The following ZBTB16 variants were observed in gnomAD, a reference collection of about 807,000 sequenced individuals.
ZBTB16 encodes the protein zinc finger and BTB domain-containing protein 16.
In ZBTB16, 8 loss-of-function variants were observed where a neutral mutation model predicts 56.8. The ratio of observed to expected loss-of-function variants is 0.14; its 90% confidence interval spans 0.08 to 0.25. The LOEUF is 0.25. Among genes scored for constraint, ZBTB16 ranks in the 10% least tolerant of loss-of-function variants. ZBTB16 has a pLI of 1.00. For synonymous variants in ZBTB16, 363 were observed against 368.5 expected, an observed-to-expected ratio of 0.98 and a Z score of 0.17; for missense variants, 625 against 903.0, an observed-to-expected ratio of 0.69 and a Z score of 3.95.
rs1002100128 is a variant in ZBTB16 at position 114,060,367 on chromosome 11, G to A, written c.-91+485G>A. 6.6e-6 allele frequency: 1 copy of A among 152,536 alleles called. No individual in the cohort carries two copies. The highest frequency in any genetic ancestry group is 2.4e-5 in the African/African-American group (1 of 41,484). 9.4% of individuals were successfully genotyped at this position (152,536 alleles called of 1,614,324 possible). A position where few individuals can be genotyped will look rare whatever the true frequency, so the allele number is the denominator to read the frequency against. On this transcript the variant is annotated intron_variant, in intron 1 of 6. Transcript: ENST00000335953. The surrounding 1 kb of genome is among the most constrained non-coding windows in gnomAD (Gnocchi z 6.0). ...CTAGAATCGGAGGAGCTGACGAGTA[G>A]ATCTGGGGGCGGAGGGGAGCAGGAC...
At chr11:114,203,603 TA>T (rs1165181135) in intron 4 of ZBTB16, among the ~76,000 whole-genome samples, 7 of 107,636 alleles carry the variant, frequency 6.5e-5, no homozygotes, top group Non-Finnish European at 1.1e-4. Context: ...ACAAAAACAT[TA>T]AAAGGGTGGA....
At chr11:114,234,952 C>T (rs900856952) in intron 4 of ZBTB16, among the ~76,000 whole-genome samples, 4 of 151,872 alleles carry the variant, frequency 2.6e-5, no homozygotes, top group South Asian at 2.1e-4. Flanking sequence ...TGTGTGGTCA[C>T]GAAGGTTGCC....
Position 114,256,613 on chromosome 11 carries a change from A to ACACAATCAAAGGT in ZBTB16, c.*6060_*6072dup, listed in dbSNP as rs1462358182. Among the ~76,000 whole-genome samples the ACACAATCAAAGGT allele has an allele frequency of 6.6e-6, 1 of 152,180 alleles. No individual in the cohort carries two copies. Among genetic ancestry groups the ACACAATCAAAGGT allele is most frequent in the Non-Finnish European group, 1.5e-5 (1 of 68,022 alleles). ...AGAAATTTCTCAACAAGAAGCTTCC[A>ACACAATCAAAGGT]CACAATCAAAGGTCCCTGCCTGCGT... On this transcript the variant is annotated 3_prime_UTR_variant, in exon 7 of 7. Coordinates refer to ENST00000335953, the MANE Select transcript of ZBTB16 (RefSeq NM_006006.6).
At chr11:114,209,640 T>C (rs752820302) in intron 4 of ZBTB16, 76 of 985,278 alleles carry the variant, frequency 7.7e-5, no homozygotes, top group Non-Finnish European at 8.7e-5. Flanking sequence ...GTGGTGACTA[T>C]TCCCCCAACC....
chr11:114,105,238 C>T (rs938945269), intron 2 of ZBTB16, among the ~76,000 whole-genome samples: 4 of 149,236 alleles, frequency 2.7e-5, no homozygotes, highest in Non-Finnish European at 4.4e-5. Flanking sequence ...GTCTCTCTCT[C>T]TCTCTCTTTT....
In ZBTB16 at chr11:114,061,045, C is replaced by G. The variant is rs550494794; in HGVS notation, c.-91+1163C>G. 7.2e-5 allele frequency among the ~76,000 whole-genome samples: 11 copies of G among 152,330 alleles called. No homozygotes were observed. In the South Asian group the frequency reaches 1.2e-3, roughly 17 times the overall value. On this transcript the variant is annotated intron_variant, in intron 1 of 6. Coordinates refer to ENST00000335953, the MANE Select transcript of ZBTB16 (RefSeq NM_006006.6). ...CCGTCTCTTTCGCTTTCCCTCGTCC[C>G]TAGCTCAGCTCTCCTTCTTTCAGGA...
chr11:114,090,643 G>A (rs1229818038), intron 2 of ZBTB16, among the ~76,000 whole-genome samples: 2 of 152,158 alleles, frequency 1.3e-5, no homozygotes, highest in Non-Finnish European at 2.9e-5. Flanking sequence ...TCAATCCTGG[G>A]AGACTCATTT....
chr11:114,155,464 G>A (rs1019531043), intron 2 of ZBTB16, among the ~76,000 whole-genome samples: 9 of 114,104 alleles, frequency 7.9e-5, no homozygotes, highest in African/African-American at 2.1e-4. Context: ...GCCCCGGGTT[G>A]GGGGTTGGGA....
intron 2 of ZBTB16, among the ~76,000 whole-genome samples, chr11:114,100,553 A>C (rs1940570143): frequency 6.6e-6 from 1 of 152,208 alleles, no homozygotes. Context: ...GCTGGATGAC[A>C]AAAGTGTTTA....
rs1944444820 is a variant in ZBTB16 at position 114,231,735 on chromosome 11, TTC to T, written c.1454-10428_1454-10427del. Among the ~76,000 whole-genome samples, 3 of 152,278 alleles carry T rather than the reference TTC, an allele frequency of 2.0e-5. No homozygotes were observed. In the South Asian group the frequency reaches 6.2e-4, roughly 32 times the overall value. ...ATGTGGTTCCTTTTAGTTAAAGAGA[TTC>T]TCTTTAGCTAAAAGAAGGCTGTGAA... On this transcript the variant is annotated intron_variant, in intron 4 of 6. Coordinates refer to ENST00000335953, the MANE Select transcript of ZBTB16 (RefSeq NM_006006.6).
chr11:114,180,033 C>T (rs1166897114), intron 3 of ZBTB16, among the ~76,000 whole-genome samples: 1 of 152,146 alleles, frequency 6.6e-6, no homozygotes, highest in Non-Finnish European at 1.5e-5. Context: ...TTGGGGTGAT[C>T]CTTGGCACAG....
chr11:114,201,822 T>C (rs981568196), intron 4 of ZBTB16, among the ~76,000 whole-genome samples: 23 of 152,230 alleles, frequency 1.5e-4, no homozygotes, highest in Non-Finnish European at 4.4e-5. Flanking sequence ...CTTTCTGCTT[T>C]ATCTATTTTT....
At chr11:114,082,850 C>A in intron 2 of ZBTB16, among the ~76,000 whole-genome samples, 1 of 152,186 alleles carries the variant, frequency 6.6e-6, no homozygotes, top group Non-Finnish European at 1.5e-5. Context: ...CTCTAACTCT[C>A]TTTTAATAGA....
Position 114,138,343 on chromosome 11 carries a change from G to C in ZBTB16, c.1269-17994G>C, listed in dbSNP as rs139137465. ...TTTGGAGGTGGTTGTGGTGTTCCCC[G>C]ATGGCAATCAACTTCACGGAGAGAA... On this transcript the variant is annotated intron_variant, in intron 2 of 6. Transcript: ENST00000335953. 2.0e-5 allele frequency among the ~76,000 whole-genome samples: 3 copies of C among 152,248 alleles called. No individual in the cohort carries two copies. The East Asian group carries it at 5.8e-4, about 29-fold the overall frequency.
intron 4 of ZBTB16, among the ~76,000 whole-genome samples, chr11:114,226,478 G>A (rs573481386): frequency 2.6e-5 from 4 of 152,278 alleles, no homozygotes; most frequent in Admixed American, 2.6e-4. Flanking sequence ...TCAGGCAGTG[G>A]CCCAAAAACT....
rs2134992473 is a variant in ZBTB16, at chr11:114,166,226, G to GTT, written c.1366+9793_1366+9794insTT. 1.3e-5 allele frequency among the ~76,000 whole-genome samples: 2 copies of GTT among 151,808 alleles called. 1 individual carries two copies. The highest frequency in any genetic ancestry group is 4.2e-4 in the South Asian group (2 of 4,780). ...CGTGTGTGTGTGTGTGTGTGTGTGT[G>GTT]TGTGTGTGTGTGTGTGTGTGTAACC... On this transcript the variant is annotated intron_variant, in intron 3 of 6. Transcript: ENST00000335953.
At chr11:114,098,952 C>T (rs1003105367) in intron 2 of ZBTB16, among the ~76,000 whole-genome samples, 12 of 152,146 alleles carry the variant, frequency 7.9e-5, no homozygotes, top group African/African-American at 2.7e-4. Context: ...ATGGCACTGC[C>T]GAATTCTACA....
intron 4 of ZBTB16, among the ~76,000 whole-genome samples, chr11:114,235,508 A>ACC (rs1944545950): frequency 2.0e-5 from 3 of 152,202 alleles, no homozygotes; most frequent in African/African-American, 7.2e-5. Flanking sequence ...GTGTTTCATA[A>ACC]TTTCAGACCC....
rs1565651726 is a variant in ZBTB16 at position 114,148,410 on chromosome 11, TCCCTCCCTCCCTCC to T, written c.1269-7925_1269-7912del. ...CTTCCTCCTTCCCTCCCTCCCTCCC[TCCCTCCCTCCCTCC>T]CTCTCTCTCTCTTTCTCTCTCTCTG... On this transcript the variant is annotated intron_variant, in intron 2 of 6. Coordinates refer to ENST00000335953, the MANE Select transcript of ZBTB16 (RefSeq NM_006006.6). Among the ~76,000 whole-genome samples, 15 of 25,578 alleles carry T rather than the reference TCCCTCCCTCCCTCC, an allele frequency of 5.9e-4. 1 individual carries two copies. Among genetic ancestry groups the T allele is most frequent in the Non-Finnish European group, 8.2e-4 (11 of 13,386 alleles). 16.8% of individuals were successfully genotyped at this position (25,578 alleles called of 152,430 possible). A position where few individuals can be genotyped will look rare whatever the true frequency, so the allele number is the denominator to read the frequency against.
Sources: gnomAD v4.1 joint callset for allele counts (sites outside exome capture counted in the v4.1 genomes callset) on GRCh38, gnomAD v4.1.1 for gene constraint, Gnocchi (gnomAD v3.1) non-coding constraint, MANE v1.5 for transcripts, NCBI Gene and HGNC (gene_info 2026-07-23, HGNC 2026-07-21) for gene names.